PTPRZ1: variants seen among roughly 807,000 people sequenced by gnomAD.
PTPRZ1 encodes receptor-type tyrosine-protein phosphatase zeta.
In PTPRZ1, 82 loss-of-function variants were observed where a neutral mutation model predicts 214.1. That is an observed-to-expected ratio of 0.38 (90% confidence interval 0.32 to 0.46). The LOEUF (loss-of-function observed/expected upper bound fraction) is 0.46. Ranked by LOEUF, PTPRZ1 falls within the 20% of genes least tolerant of loss-of-function variation. The probability of loss-of-function intolerance (pLI) is 1.00; values close to 1 mark genes in which losing one functional copy is unlikely to be tolerated. For missense variants in PTPRZ1, 2,603 were observed against 2,748.7 expected, an observed-to-expected ratio of 0.95 and a Z score of 1.19; for synonymous variants, 945 against 987.9, an observed-to-expected ratio of 0.96 and a Z score of 0.81.
At chr7:122,042,511 A>G in intron 21 of PTPRZ1, 97 bp from the exon 22 acceptor site, 1 of 1,219,950 alleles carries the variant, frequency 8.2e-7, no homozygotes, top group Non-Finnish European at 1.1e-6. Context: ...TTGAAGAAGG[A>G]AGTTATTTTA....
intron 6 of PTPRZ1, among the ~76,000 whole-genome samples, chr7:121,980,864 C>A (rs544267616): frequency 1.3e-5 from 2 of 152,290 alleles, no homozygotes; most frequent in South Asian, 2.1e-4. Context: ...AAGACTAGGC[C>A]GGGCGTGGTG....
At chr7:121,930,785 T>C (rs1167168110) in intron 2 of PTPRZ1, among the ~76,000 whole-genome samples, 2 of 152,206 alleles carry the variant, frequency 1.3e-5, no homozygotes, top group African/African-American at 4.8e-5. Flanking sequence ...CATCTGACAA[T>C]TGTAACTCAT....
At chr7:121,957,151 T>C (rs186960868) in intron 2 of PTPRZ1, among the ~76,000 whole-genome samples, 1 of 152,160 alleles carries the variant, frequency 6.6e-6, no homozygotes, top group African/African-American at 2.4e-5. Flanking sequence ...ATCTTTTCCC[T>C]TTTTCCCTCT....
At chr7:122,039,676 A>T in intron 20 of PTPRZ1, 88 bp downstream of exon 20, 1 of 1,486,182 alleles carries the variant, frequency 6.7e-7, no homozygotes, top group Non-Finnish European at 9.1e-7. Flanking sequence ...AAGAAAGGGT[A>T]AAAAGCATAT....
chr7:122,059,721 T>G, intron 28 of PTPRZ1, 32 bp from the exon 29 acceptor site: 2 of 1,577,050 alleles, frequency 1.3e-6, no homozygotes, highest in Non-Finnish European at 1.7e-6. Flanking sequence ...CTCAATGGAG[T>G]CTTTGTTCCT....
In PTPRZ1 at chr7:121,996,367, T is replaced by G; in HGVS notation, c.929-15T>G. 4.5e-6 allele frequency: 7 copies of G among 1,572,634 alleles called. No individual in the cohort carries two copies. Among genetic ancestry groups the G allele is most frequent in the Non-Finnish European group, 5.2e-6 (6 of 1,158,344 alleles). ...GCTAAGTTCTATCAACAACTGTACT[T>G]TTTTCTCTCTGAAGTTTGTAGTTCA... On this transcript the variant is annotated splice_polypyrimidine_tract_variant and intron_variant, in intron 8 of 29. Coordinates refer to ENST00000393386, the MANE Select transcript of PTPRZ1 (RefSeq NM_002851.3).
At chr7:121,893,979 G>A (rs775954217) in intron 1 of PTPRZ1, among the ~76,000 whole-genome samples, 2 of 152,118 alleles carry the variant, frequency 1.3e-5, no homozygotes, top group South Asian at 2.1e-4. Context: ...TGAACAACCC[G>A]ATCGTGTGCA....
Position 122,012,053 on chromosome 7 carries a change from AG to A in PTPRZ1, c.3008del (p.Ser1003MetfsTer11). The A allele has an allele frequency of 6.2e-7, 1 of 1,614,204 alleles. No individual in the cohort carries two copies. The highest frequency in any genetic ancestry group is 1.3e-5 in the African/African-American group (1 of 75,060). ...DGEWSGASSD[S>X]EFLLPDTDGL... ...GGAATGGTCTGGAGCCTCTTCTGAT[AG>A]TGAATTTCTTTTACCTGACACAGAT... is the stretch of plus-strand genomic sequence containing the variant. On this transcript the variant is annotated frameshift_variant, in exon 12 of 30. Coordinates refer to ENST00000393386, the MANE Select transcript of PTPRZ1 (RefSeq NM_002851.3). LOFTEE classifies it high-confidence loss of function.
At chr7:121,965,660 T>A (rs1221130833) in intron 2 of PTPRZ1, among the ~76,000 whole-genome samples, 1 of 152,210 alleles carries the variant, frequency 6.6e-6, no homozygotes, top group Non-Finnish European at 1.5e-5. Flanking sequence ...CTCTTCATAT[T>A]CATAAGTCCT....
At chr7:121,994,381 G>A (rs887912320) in intron 8 of PTPRZ1, among the ~76,000 whole-genome samples, 4 of 128,098 alleles carry the variant, frequency 3.1e-5, no homozygotes, top group Admixed American at 1.0e-4. Flanking sequence ...TGCAAGCTCC[G>A]CATCCCGGGT....
In PTPRZ1 at chr7:122,042,755, A is replaced by T; in HGVS notation, c.5937+12A>T. 6.2e-7 allele frequency: 1 copy of T among 1,605,694 alleles called. No individual in the cohort carries two copies. The highest frequency in any genetic ancestry group is 8.5e-7 in the Non-Finnish European group (1 of 1,172,708). On this transcript the variant is annotated intron_variant, in intron 22 of 29. Transcript: ENST00000393386. ...TGGTACAAACTGAGGTATGATTTTT[A>T]AAAAGATGATTTTATTCATCTAAGG...
chr7:121,928,524 G>A (rs10458293), intron 2 of PTPRZ1, among the ~76,000 whole-genome samples: 9,602 of 152,118 alleles, frequency 0.063, 360 homozygotes, highest in Non-Finnish European at 0.09. Flanking sequence ...ACGGTGAAAT[G>A]GGGGGCTGTT....
In PTPRZ1 at chr7:122,010,654, C is replaced by T; in HGVS notation, c.1608C>T (p.Ala536=). ...LPPHTVEGTS[A]SLNDGSKTVL... is the part of the protein sequence containing the mutation. ...CTCACACTGTGGAAGGTACTTCAGCCTCTTTAAATGATGGCTCTAAAACTG... is the reference window on the plus strand; with the variant it reads ...CTCACACTGTGGAAGGTACTTCAGCTTCTTTAAATGATGGCTCTAAAACTG... Residue 536 remains alanine (A), a synonymous_variant, in exon 12 of 30, where the codon GCC becomes GCT. Coordinates refer to ENST00000393386, the MANE Select transcript of PTPRZ1 (RefSeq NM_002851.3). 2 of 1,613,670 alleles carry T rather than the reference C, an allele frequency of 1.2e-6. No individual in the cohort carries two copies. The highest frequency in any genetic ancestry group is 1.7e-6 in the Non-Finnish European group (2 of 1,179,602).
chr7:121,897,079 A>G (rs146761177), intron 1 of PTPRZ1, among the ~76,000 whole-genome samples: 34 of 152,308 alleles, frequency 2.2e-4, no homozygotes, highest in Non-Finnish European at 4.0e-4. Context: ...ATTTCTCAAG[A>G]CAATCATAGT....
chr7:121,923,907 G>A (rs1294330849), intron 1 of PTPRZ1, among the ~76,000 whole-genome samples: 1 of 151,892 alleles, frequency 6.6e-6, no homozygotes, highest in Non-Finnish European at 1.5e-5. Flanking sequence ...GTAAGTTCAA[G>A]GTGGAATGGG....
chr7:121,950,064 C>T (rs554456824), intron 2 of PTPRZ1, among the ~76,000 whole-genome samples: 8 of 152,228 alleles, frequency 5.3e-5, no homozygotes, highest in African/African-American at 9.6e-5. Context: ...CTTACAGTTC[C>T]ACATGGCTGG....
At chr7:122,022,560 T>C (rs1249342608) in intron 13 of PTPRZ1, among the ~76,000 whole-genome samples, 3 of 152,206 alleles carry the variant, frequency 2.0e-5, no homozygotes, top group Admixed American at 1.3e-4. Context: ...TAGATACAAG[T>C]CCCTTATCAG....
At chr7:122,057,645 C>CTTTTTTTTT (rs5887066) in intron 27 of PTPRZ1, among the ~76,000 whole-genome samples, 1 of 128,174 alleles carries the variant, frequency 7.8e-6, no homozygotes, top group African/African-American at 2.9e-5. Flanking sequence ...CTTTGTGATT[C>CTTTTTTTTT]TTTTTTTTTT....
At chr7:121,946,418 G>A (rs1467636960) in intron 2 of PTPRZ1, among the ~76,000 whole-genome samples, 5 of 152,002 alleles carry the variant, frequency 3.3e-5, no homozygotes, top group African/African-American at 4.8e-5. Context: ...TAAAAAACTG[G>A]TTTACTCCCT....
Sources: allele counts gnomAD v4.1 joint callset (sites outside exome capture counted in the v4.1 genomes callset), GRCh38; gene constraint gnomAD v4.1.1; transcripts MANE v1.5; gene names NCBI Gene and HGNC (gene_info 2026-07-23, HGNC 2026-07-21).